The following KYNU variants were observed in gnomAD, a reference collection of about 807,000 sequenced individuals.
The protein encoded by KYNU is kynureninase, also known as L-kynurenine hydrolase.
In KYNU, 54 loss-of-function variants were observed where a neutral mutation model predicts 59.2. That is an observed-to-expected ratio of 0.91 (90% CI 0.73 to 1.14). The LOEUF (loss-of-function observed/expected upper bound fraction) is 1.14, where lower values mean the gene tolerates loss of function less well. Ranked by LOEUF, KYNU falls within the 50% of genes most tolerant of loss-of-function variation. KYNU has a pLI of 0.00. For synonymous variants in KYNU, 177 were observed against 192.0 expected (o/e 0.92, Z 0.65); for missense variants, 567 against 554.4 (o/e 1.02, Z -0.23).
chr2:142,998,991 G>A (rs71423232), intron 10 of KYNU, among the ~76,000 whole-genome samples: 29,585 of 125,650 alleles, frequency 0.24, 3,518 homozygotes, highest in African/African-American at 0.35. Flanking sequence ...CCTGGCAACA[G>A]ACTGAGACTC....
chr2:142,982,935 G>T (rs975064244), intron 8 of KYNU, among the ~76,000 whole-genome samples: 1 of 151,760 alleles, frequency 6.6e-6, no homozygotes, highest in Non-Finnish European at 1.5e-5. Flanking sequence ...AATGGCAGGG[G>T]TAATTCCTAA....
intron 2 of KYNU, among the ~76,000 whole-genome samples, chr2:142,899,063 G>A (rs1266640978): frequency 2.6e-5 from 4 of 152,128 alleles, no homozygotes; most frequent in East Asian, 3.8e-4. Flanking sequence ...TGGTGGACCC[G>A]GGTGGGAGTC....
Position 143,049,210 on chromosome 2 carries a change from A to G in KYNU, c.*7038A>G, listed in dbSNP as rs1404132812. The G allele has an allele frequency of 6.6e-6, 1 of 152,126 alleles. No individual in the cohort carries two copies. Among genetic ancestry groups the G allele is most frequent in the Admixed American group, 6.6e-5 (1 of 15,248 alleles). The allele number at this position is 152,126 out of a possible 1,614,324, so 9.4% of individuals were successfully genotyped here. Reference sequence around the variant, plus strand: ...TTTGAATTTCTGGGCTGCATTCTTAAGAATTCTAAAACATATATTTTAGTT... The same window carrying G: ...TTTGAATTTCTGGGCTGCATTCTTAGGAATTCTAAAACATATATTTTAGTT... On this transcript the variant is annotated 3_prime_UTR_variant, in exon 14 of 14. Transcript: ENST00000264170.
chr2:142,920,574 G>A (rs1312763279), intron 3 of KYNU, among the ~76,000 whole-genome samples: 4 of 152,134 alleles, frequency 2.6e-5, no homozygotes, highest in Non-Finnish European at 4.4e-5. Context: ...AGCACCTCAT[G>A]CTCTTCTATT....
At chr2:142,892,247 C>T (rs529555519) in intron 2 of KYNU, among the ~76,000 whole-genome samples, 7 of 152,312 alleles carry the variant, frequency 4.6e-5, no homozygotes, top group Middle Eastern at 3.4e-3. Flanking sequence ...TTAAATTCTG[C>T]ATTTAGTGGA....
chr2:142,912,387 T>TTC (rs1553475880), intron 2 of KYNU, among the ~76,000 whole-genome samples: 9,376 of 139,228 alleles, frequency 0.067, 305 homozygotes, highest in East Asian at 0.19. Flanking sequence ...TTTTTTTTTT[T>TTC]TTTTTTTTTG....
Position 142,967,574 on chromosome 2 carries a change from A to G in KYNU, c.729+6804A>G, listed in dbSNP as rs573847967. ...TAAGGCAAAAATCAGAAATACGAAT[A>G]AAGACATCATTAATAAAATCATTTA... On this transcript the variant is annotated intron_variant, in intron 8 of 13. Transcript: ENST00000264170. 5.9e-5 allele frequency: 9 copies of G among 152,304 alleles called. No homozygotes were observed. In the South Asian group the frequency reaches 1.2e-3, roughly 21 times the overall value. The allele number at this position is 152,304 out of a possible 1,614,324, so 9.4% of individuals were successfully genotyped here. A position where few individuals can be genotyped will look rare whatever the true frequency, so the allele number is the denominator to read the frequency against.
rs554657693 is a variant in KYNU at position 142,985,098 on chromosome 2, C to T, written c.744C>T (p.Gly248=). The T allele has an allele frequency of 1.9e-6, 3 of 1,607,228 alleles. No individual in the cohort carries two copies. The South Asian group carries it at 3.3e-5, about 18-fold the overall frequency. Reference sequence around the variant, plus strand: ...TTCTTCCCTAGGGTTGTTATGTTGGCTTTGATCTAGCACATGCAGTTGGAA... The same window carrying T: ...TTCTTCCCTAGGGTTGTTATGTTGGTTTTGATCTAGCACATGCAGTTGGAA... ...KAGQAKGCYV[G]FDLAHAVGNV... is the part of the protein sequence containing the mutation. The change falls in exon 9 of 14, where the codon GGC becomes GGT. Residue 248 remains glycine, a synonymous_variant. Transcript: ENST00000264170.
intron 1 of KYNU, chr2:142,881,295 G>A (rs903285888): frequency 2.0e-5 from 3 of 152,188 alleles, no homozygotes; most frequent in African/African-American, 7.2e-5. Flanking sequence ...AGTCACAACT[G>A]ATATCAAAGT....
chr2:143,025,497 C>G (rs963242854), intron 10 of KYNU, among the ~76,000 whole-genome samples: 3 of 152,092 alleles, frequency 2.0e-5, no homozygotes, highest in African/African-American at 7.2e-5. Flanking sequence ...GATGTGCCTC[C>G]TTTTTCTGCA....
chr2:142,900,469 A>G lies in KYNU; in HGVS notation c.169+14933A>G, dbSNP rs118109276. The stretch of plus-strand genomic sequence containing the variant: ...TGCCTGGGTTTATATCCTGATCATT[A>G]TCCCTCCCCCTGTGCTCTCAGGCAA... On this transcript the variant is annotated intron_variant, in intron 2 of 13. Transcript: ENST00000264170. 1.6e-4 allele frequency among the ~76,000 whole-genome samples: 24 copies of G among 152,286 alleles called. No individual in the cohort carries two copies. In the East Asian group the frequency reaches 4.6e-3, roughly 29 times the overall value.
In KYNU at chr2:143,012,670, A is replaced by T. The variant is rs964371474; in HGVS notation, c.903-16957A>T. Among the ~76,000 whole-genome samples the T allele has an allele frequency of 3.3e-5, 5 of 152,154 alleles. No homozygotes were observed. In the South Asian group the frequency reaches 6.2e-4, roughly 19 times the overall value. ...GGTCGCTGTAGTGAAGCAGATTAAG[A>T]TATCCACCTTCATGCAGTTACCCAT... On this transcript the variant is annotated intron_variant, in intron 10 of 13. Transcript: ENST00000264170.
intron 10 of KYNU, among the ~76,000 whole-genome samples, chr2:143,013,298 C>CTCTCTCTGTGTGTGTGTG (rs72349700): frequency 0.024 from 3,529 of 149,530 alleles, 77 homozygotes; most frequent in African/African-American, 0.057. Flanking sequence ...GTCTCTTTCT[C>CTCTCTCTGTGTGTGTGTG]TGTGTGTGTG....
At chr2:142,885,647 G>A (rs1681484847) in intron 2 of KYNU, 111 bp downstream of exon 2, 1 of 1,014,606 alleles carries the variant, frequency 9.9e-7, no homozygotes, top group Non-Finnish European at 1.5e-6. Context: ...TAGAGCTGTT[G>A]CAATTATGTT....
At chr2:143,032,725 G>GTGTGTGTGTGTGTGTGTC (rs1248073404) in intron 11 of KYNU, among the ~76,000 whole-genome samples, 2 of 150,738 alleles carry the variant, frequency 1.3e-5, no homozygotes, top group African/African-American at 4.9e-5. Flanking sequence ...GTGTGTGTGT[G>GTGTGTGTGTGTGTGTGTC]TGTGTGTGTG....
intron 1 of KYNU, among the ~76,000 whole-genome samples, chr2:142,881,909 C>CTTTTTTTTTTTTT (rs1222437103): frequency 3.2e-5 from 4 of 124,668 alleles, no homozygotes; most frequent in African/African-American, 1.3e-4. Context: ...CTTTTCTTTT[C>CTTTTTTTTTTTTT]TTTTTTCTTT....
intron 10 of KYNU, among the ~76,000 whole-genome samples, chr2:143,007,168 A>G (rs1400380202): frequency 2.0e-5 from 3 of 150,922 alleles, no homozygotes; most frequent in Admixed American, 6.6e-5. Flanking sequence ...AAAAAAATTT[A>G]GAAGAATGTA....
chr2:143,007,639 G>T (rs1301725543), intron 10 of KYNU, among the ~76,000 whole-genome samples: 3 of 114,040 alleles, frequency 2.6e-5, no homozygotes, highest in Admixed American at 1.7e-4. Context: ...AGGAAAAAAT[G>T]TTAAGGGCAG....
chr2:142,967,433 C>A (rs539126147), intron 8 of KYNU: 2 of 151,934 alleles, frequency 1.3e-5, no homozygotes, highest in Non-Finnish European at 2.9e-5. Context: ...TGGGTGCAAA[C>A]GTCTCACATC....
Sources: gnomAD v4.1 joint callset for allele counts (sites outside exome capture counted in the v4.1 genomes callset) on GRCh38, gnomAD v4.1.1 for gene constraint, MANE v1.5 for transcripts, NCBI Gene and HGNC (gene_info 2026-07-23, HGNC 2026-07-21) for gene names.